The following CCDC88C variants were observed in gnomAD, a reference collection of about 807,000 sequenced individuals.
CCDC88C encodes protein Daple.
In CCDC88C, 131 loss-of-function variants were observed where a neutral mutation model predicts 198.8. The observed-to-expected ratio is 0.66, with a 90% CI of 0.57 to 0.76. The LOEUF is 0.76. Ranked by LOEUF, CCDC88C falls within the 30% of genes least tolerant of loss-of-function variation. CCDC88C has a pLI of 0.00. For missense variants in CCDC88C, 2,553 were observed against 2,631.6 expected (o/e 0.97, Z 0.65); for synonymous variants, 1,166 against 1,114.7 (o/e 1.05, Z -0.92).
chr14:91,282,688 A>G (rs956660439), intron 26 of CCDC88C, among the ~76,000 whole-genome samples: 1 of 152,156 alleles, frequency 6.6e-6, no homozygotes, highest in South Asian at 2.1e-4. Context: ...GGGAGTTCCT[A>G]AATCCTTCAC....
chr14:91,390,329 G>T (rs959098754), intron 3 of CCDC88C, among the ~76,000 whole-genome samples: 1 of 152,160 alleles, frequency 6.6e-6, no homozygotes, highest in South Asian at 2.1e-4. Flanking sequence ...CCCTCCATCC[G>T]CTTAATTTAT....
chr14:91,336,749 G>C (rs1596083933), intron 10 of CCDC88C, among the ~76,000 whole-genome samples: 1 of 152,176 alleles, frequency 6.6e-6, no homozygotes, highest in Non-Finnish European at 1.5e-5. Context: ...CTCCCTGAGT[G>C]GGTCTGAGGA....
At chr14:91,383,647 G>A (rs1457638410) in intron 3 of CCDC88C, among the ~76,000 whole-genome samples, 2 of 152,182 alleles carry the variant, frequency 1.3e-5, no homozygotes, top group East Asian at 1.9e-4. Context: ...TGTGGGGACC[G>A]GATGAATGGC....
intron 3 of CCDC88C, among the ~76,000 whole-genome samples, chr14:91,406,858 C>A (rs1412549034): frequency 6.6e-6 from 1 of 152,200 alleles, no homozygotes; most frequent in Non-Finnish European, 1.5e-5. Flanking sequence ...GAGTGTGGCT[C>A]CCCTTCAAAT....
chr14:91,399,099 C>T (rs1308417068), intron 3 of CCDC88C, among the ~76,000 whole-genome samples: 1 of 152,160 alleles, frequency 6.6e-6, no homozygotes, highest in Non-Finnish European at 1.5e-5. Context: ...ATGTGCTCTG[C>T]CCAGCCCTAA....
rs1168365839 is a variant in CCDC88C at position 91,283,612 on chromosome 14, T to C, written c.4442-95A>G. ...GGCCTAGAAGCAGGGCAGCAGGGCA[T>C]GAGGACCACAGAGACAAAAGCGGGG... On this transcript the variant is annotated intron_variant, in intron 25 of 29. Coordinates refer to ENST00000389857, the MANE Select transcript of CCDC88C (RefSeq NM_001080414.4). 14 of 1,222,374 alleles carry C rather than the reference T, an allele frequency of 1.1e-5. No individual in the cohort carries two copies. In the Admixed American group the frequency reaches 1.6e-4, roughly 14 times the overall value. The allele number at this position is 1,222,374 out of a possible 1,614,324, so 75.7% of individuals were successfully genotyped here.
intron 10 of CCDC88C, among the ~76,000 whole-genome samples, chr14:91,328,793 G>A (rs377479765): frequency 9.2e-5 from 14 of 152,138 alleles, no homozygotes; most frequent in East Asian, 1.9e-4. Flanking sequence ...CTCGCCAGCC[G>A]CCATCACCAC....
intron 3 of CCDC88C, among the ~76,000 whole-genome samples, chr14:91,375,767 G>C (rs564110925): frequency 1.3e-5 from 2 of 152,192 alleles, no homozygotes; most frequent in Admixed American, 1.3e-4. Flanking sequence ...AACCCTGTCC[G>C]TGCCCGGAGC....
chr14:91,283,698 G>T, intron 25 of CCDC88C, 181 bp from the exon 26 acceptor site: 2 of 619,934 alleles, frequency 3.2e-6, no homozygotes, highest in South Asian at 4.0e-5. Flanking sequence ...GGGGCAAGAG[G>T]GCTTGGCTTC....
At chr14:91,312,340 GTCAC>G (rs1891867927) in intron 15 of CCDC88C, among the ~76,000 whole-genome samples, 2 of 151,974 alleles carry the variant, frequency 1.3e-5, no homozygotes, top group African/African-American at 4.8e-5. Flanking sequence ...GTGAGCTGGG[GTCAC>G]ACCACTGCAC....
intron 27 of CCDC88C, 180 bp from the exon 28 acceptor site, chr14:91,279,486 C>T (rs778142983): frequency 9.6e-5 from 54 of 564,736 alleles, no homozygotes; most frequent in Non-Finnish European, 1.4e-4. Context: ...ACTTCACCAA[C>T]GGAGTGCTGG....
intron 3 of CCDC88C, among the ~76,000 whole-genome samples, chr14:91,398,315 C>T (rs1885970232): frequency 6.6e-6 from 1 of 152,260 alleles, no homozygotes; most frequent in Non-Finnish European, 1.5e-5. Context: ...ACCAGGTCCT[C>T]AGCCCGTTTG....
At chr14:91,345,554 C>T (rs1332717672) in intron 4 of CCDC88C, among the ~76,000 whole-genome samples, 1 of 152,110 alleles carries the variant, frequency 6.6e-6, no homozygotes, top group Non-Finnish European at 1.5e-5. Context: ...TTTATGCATT[C>T]CCTTTTTAAG....
At chr14:91,328,275 A>G (rs192910836) in intron 10 of CCDC88C, among the ~76,000 whole-genome samples, 1 of 152,302 alleles carries the variant, frequency 6.6e-6, no homozygotes, top group Non-Finnish European at 1.5e-5. Flanking sequence ...CCTCCACTAT[A>G]CATAAGGTAA....
Position 91,321,285 on chromosome 14 carries a change from C to G in CCDC88C, c.1362G>C (p.Val454=). ...DLSDASRKSF[V]FELNECASSR... ...TGGACGCACATTCGTTCAGCTCAAA[C>G]ACAAACGACTTCCTGGAGGCTGAAG... The change falls in exon 13 of 30, where the codon GTG becomes GTC. Residue 454 remains valine (V), a synonymous_variant. Coordinates refer to ENST00000389857, the MANE Select transcript of CCDC88C (RefSeq NM_001080414.4). 6.4e-7 allele frequency: 1 copy of G among 1,559,310 alleles called. No individual in the cohort carries two copies. Among genetic ancestry groups the G allele is most frequent in the South Asian group, 1.2e-5 (1 of 84,722 alleles).
intron 6 of CCDC88C, among the ~76,000 whole-genome samples, chr14:91,341,432 C>A (rs549846941): frequency 6.6e-6 from 1 of 152,178 alleles, no homozygotes; most frequent in South Asian, 2.1e-4. Flanking sequence ...AAAAAAGCAC[C>A]CAGGGAATTC....
intron 4 of CCDC88C, 57 bp from the exon 5 acceptor site, chr14:91,343,714 A>G: frequency 6.2e-7 from 1 of 1,607,142 alleles, no homozygotes; most frequent in Admixed American, 1.7e-5. Flanking sequence ...AATTTCAGTG[A>G]CATGTTTACC....
At chr14:91,398,586 G>A (rs1168780127) in intron 3 of CCDC88C, among the ~76,000 whole-genome samples, 3 of 152,196 alleles carry the variant, frequency 2.0e-5, no homozygotes, top group Non-Finnish European at 4.4e-5. Flanking sequence ...GAGCCCAGGA[G>A]TTTGAGGTTA....
Position 91,338,642 on chromosome 14 carries a change from A to T in CCDC88C, c.810-72T>A. ...CAAGCAGCCCTGGGAGCAGGCTGCC[A>T]CTTCCTAAAACCTGTGGGAAAAGGA... On this transcript the variant is annotated intron_variant, in intron 8 of 29. Transcript: ENST00000389857. The surrounding 1 kb of genome is among the most constrained non-coding windows in gnomAD (Gnocchi z 4.8). 1 of 1,141,344 alleles carries T rather than the reference A, an allele frequency of 8.8e-7. No individual in the cohort carries two copies. Among genetic ancestry groups the T allele is most frequent in the Non-Finnish European group, 1.3e-6 (1 of 775,564 alleles). 70.7% of individuals were successfully genotyped at this position (1,141,344 alleles called of 1,614,324 possible).
Sources: allele counts gnomAD v4.1 joint callset (sites outside exome capture counted in the v4.1 genomes callset), GRCh38; gene constraint gnomAD v4.1.1; non-coding constraint Gnocchi (gnomAD v3.1); transcripts MANE v1.5; gene names NCBI Gene and HGNC (gene_info 2026-07-23, HGNC 2026-07-21).